CYFIP1: variants seen among roughly 807,000 people sequenced by gnomAD.
The protein encoded by CYFIP1 is cytoplasmic FMR1-interacting protein 1.
Under a neutral mutation model 163.5 loss-of-function variants are expected in CYFIP1, and 58 were observed. The ratio of observed to expected loss-of-function variants is 0.35; its 90% CI spans 0.29 to 0.44. CYFIP1 has a LOEUF of 0.44. Among genes scored for constraint, CYFIP1 ranks in the 20% least tolerant of loss-of-function variants. The pLI is 1.00. For missense variants in CYFIP1, 1,338 were observed against 1,653.8 expected, an observed-to-expected ratio of 0.81 and a Z score of 3.31; for synonymous variants, 663 against 660.7, an observed-to-expected ratio of 1.00 and a Z score of -0.05.
In CYFIP1 at chr15:22,871,103, C is replaced by T. The variant is rs113213802; in HGVS notation, c.3598-911G>A. On this transcript the variant is annotated intron_variant, in intron 30 of 30. Coordinates refer to ENST00000617928, the MANE Select transcript of CYFIP1 (RefSeq NM_014608.6). The stretch of plus-strand genomic sequence containing the variant: ...GCCAGGACCTCCAATTCGGCTAAAG[C>T]GGCCCTGAGTTGGTAGCACCCCATA... Among the ~76,000 whole-genome samples the T allele has an allele frequency of 5.3e-3, 802 of 152,180 alleles. 7 individuals carry two copies. The highest frequency in any genetic ancestry group is 0.018 in the African/African-American group (750 of 41,504).
Position 22,939,355 on chromosome 15 carries a change from C to T in CYFIP1, c.667-35G>A, listed in dbSNP as rs184160111. The T allele has an allele frequency of 3.0e-5, 49 of 1,614,024 alleles. No homozygotes were observed. The South Asian group carries it at 3.1e-4, about 10-fold the overall frequency. On this transcript the variant is annotated intron_variant, in intron 7 of 30. Transcript: ENST00000617928. Reference sequence around the variant, plus strand: ...AGAGCAAGAGACTCATGCATGGGCCCGGCGCCCGGCCGGCTGCTTGGCCCA... The same window carrying T: ...AGAGCAAGAGACTCATGCATGGGCCTGGCGCCCGGCCGGCTGCTTGGCCCA...
chr15:22,912,115 A>T, intron 18 of CYFIP1, 64 bp downstream of exon 18: 1 of 1,428,014 alleles, frequency 7.0e-7, no homozygotes, highest in Non-Finnish European at 9.6e-7. Context: ...CTTGGGAGAA[A>T]ACAAAAAGAG....
intron 23 of CYFIP1, among the ~76,000 whole-genome samples, chr15:22,889,188 TA>T (rs889882773): frequency 3.3e-5 from 5 of 151,820 alleles, no homozygotes; most frequent in African/African-American, 1.2e-4. Context: ...TAGTTGAATT[TA>T]AAAAAAAATC....
Position 22,868,377 on chromosome 15 carries a change from A to G in CYFIP1, c.*1651T>C, listed in dbSNP as rs2059298036. The G allele has an allele frequency of 6.6e-6, 1 of 152,026 alleles. No homozygotes were observed. The highest frequency in any genetic ancestry group is 6.6e-5 in the Admixed American group (1 of 15,230). The allele number at this position is 152,026 out of a possible 1,614,324, so 9.4% of individuals were successfully genotyped here. On this transcript the variant is annotated 3_prime_UTR_variant, in exon 31 of 31. Transcript: ENST00000617928. ...ATAGGTTAATAAATAATAAATTCTT[A>G]TTTAACATTTTGTAGCACTTGAGAT...
intron 8 of CYFIP1, among the ~76,000 whole-genome samples, 192 bp from the exon 9 acceptor site, chr15:22,937,400 C>T (rs960260552): frequency 6.6e-6 from 1 of 152,088 alleles, no homozygotes; most frequent in Non-Finnish European, 1.5e-5. Context: ...GGATACAAAG[C>T]GGGGCTGGGC....
intron 19 of CYFIP1, 47 bp downstream of exon 19, chr15:22,910,690 T>C (rs1199501528): frequency 1.2e-6 from 2 of 1,605,778 alleles, no homozygotes; most frequent in Non-Finnish European, 1.7e-6. Flanking sequence ...GAATGTCAGA[T>C]CAAATTATGA....
At chr15:22,930,388 C>T (rs1313448575) in intron 11 of CYFIP1, among the ~76,000 whole-genome samples, 2 of 57,566 alleles carry the variant, frequency 3.5e-5, no homozygotes, top group East Asian at 3.9e-4. Context: ...TCCGTCTCAC[C>T]CAAAAAAAAA....
intron 11 of CYFIP1, 56 bp from the exon 12 acceptor site, chr15:22,928,084 C>T (rs1166795993): frequency 7.0e-7 from 1 of 1,436,386 alleles, no homozygotes; most frequent in South Asian, 1.4e-5. Context: ...CAGCTCCCCC[C>T]ATCCCGGGAT....
At chr15:22,911,921 T>C (rs2060799445) in intron 18 of CYFIP1, among the ~76,000 whole-genome samples, 1 of 152,138 alleles carries the variant, frequency 6.6e-6, no homozygotes, top group East Asian at 1.9e-4. Flanking sequence ...GTTGCTTCAG[T>C]TGAACATCAA....
chr15:22,912,526 C>T (rs899853726), intron 17 of CYFIP1: 2 of 420,574 alleles, frequency 4.8e-6, no homozygotes, highest in Non-Finnish European at 4.2e-6. Context: ...GGACAAGGGC[C>T]TCCACCTGCC....
intron 4 of CYFIP1, 89 bp from the exon 5 acceptor site, chr15:22,944,748 C>T (rs1183634226): frequency 7.3e-6 from 11 of 1,515,960 alleles, no homozygotes; most frequent in Non-Finnish European, 1.0e-5. Context: ...TCCCGCCCTG[C>T]TGTGGGGTGA....
intron 21 of CYFIP1, chr15:22,904,135 C>A (rs939530959): frequency 1.7e-6 from 1 of 587,550 alleles, no homozygotes; most frequent in African/African-American, 1.9e-5. Context: ...CTCCACGCCA[C>A]CTACCCCTGC....
intron 13 of CYFIP1, among the ~76,000 whole-genome samples, chr15:22,922,821 G>A (rs954388996): frequency 1.6e-4 from 25 of 152,054 alleles, no homozygotes; most frequent in African/African-American, 5.8e-4. Context: ...GTGAAACCCT[G>A]TCTCTACTAA....
rs142622793 is a variant in CYFIP1, at chr15:22,933,882, C to T, written c.912G>A (p.Val304=). The T allele has an allele frequency of 3.3e-3, 5,282 of 1,610,458 alleles. 16 individuals carry two copies. Among genetic ancestry groups the T allele is most frequent in the Non-Finnish European group, 3.8e-3 (4,451 of 1,178,188 alleles). ...KIDKYFKQLQ[V]VPLFGDMQIE... The stretch of plus-strand genomic sequence containing the variant: ...TTTGCATGTCCCCAAATAGCGGAAC[C>T]ACCTGGAGTTGCTGTATTCAAAGAA... The change falls in exon 10 of 31, where the codon GTG becomes GTA. Residue 304 remains valine, a synonymous_variant. Transcript: ENST00000617928.
Position 22,912,512 on chromosome 15 carries a change from A to G in CYFIP1, c.1986-237T>C, listed in dbSNP as rs530812990. 167 of 438,728 alleles carry G rather than the reference A, an allele frequency of 3.8e-4. 1 individual carries two copies. The South Asian group carries it at 9.1e-3, about 24-fold the overall frequency. The allele number at this position is 438,728 out of a possible 1,614,324, so 27.2% of individuals were successfully genotyped here. On this transcript the variant is annotated intron_variant, in intron 17 of 30. Transcript: ENST00000617928. Reference sequence around the variant, plus strand: ...ACAGCAGACGCTCACTGAAGGCCACACACGGACAAGGGCCTCCACCTGCCT... The same window carrying G: ...ACAGCAGACGCTCACTGAAGGCCACGCACGGACAAGGGCCTCCACCTGCCT...
intron 22 of CYFIP1, among the ~76,000 whole-genome samples, chr15:22,894,151 G>T (rs1192712805): frequency 6.6e-6 from 1 of 152,100 alleles, no homozygotes; most frequent in Non-Finnish European, 1.5e-5. Flanking sequence ...ACACACGTCA[G>T]CCTCCGTCCA....
chr15:22,945,279 C>A (rs1208630107), intron 3 of CYFIP1, among the ~76,000 whole-genome samples: 1 of 152,222 alleles, frequency 6.6e-6, no homozygotes, highest in Non-Finnish European at 1.5e-5. Context: ...GGGCTCAGGG[C>A]AGACGCCCTG....
At chr15:22,952,896 C>A (rs1370007319) in intron 1 of CYFIP1, among the ~76,000 whole-genome samples, 1 of 152,192 alleles carries the variant, frequency 6.6e-6, no homozygotes, top group African/African-American at 2.4e-5. Flanking sequence ...GTCATCAGAG[C>A]ACCGTGCGGA....
At chr15:22,976,402 C>T (rs57049236) in intron 1 of CYFIP1, among the ~76,000 whole-genome samples, 2,347 of 152,222 alleles carry the variant, frequency 0.015, 67 homozygotes, top group African/African-American at 0.054. Context: ...GTGATCCGCC[C>T]GCCTCGGCCT....
Sources: gnomAD v4.1 joint callset for allele counts (sites outside exome capture counted in the v4.1 genomes callset) on GRCh38, gnomAD v4.1.1 for gene constraint, MANE v1.5 for transcripts, NCBI Gene and HGNC (gene_info 2026-07-23, HGNC 2026-07-21) for gene names.